ULK4: variants seen among roughly 807,000 people sequenced by gnomAD.
ULK4 encodes unc-51 like kinase 4.
Under a neutral mutation model 160.6 loss-of-function variants are expected in ULK4, and 133 were observed. The observed-to-expected ratio is 0.83, with a 90% CI of 0.72 to 0.96. The LOEUF (loss-of-function observed/expected upper bound fraction) is 0.96. ULK4 is among the 40% of genes least tolerant of loss of function. The pLI is 0.00. For missense variants in ULK4, 1,580 were observed against 1,499.5 expected (o/e 1.05, Z -0.89); for synonymous variants, 534 against 539.8 (o/e 0.99, Z 0.15).
At chr3:41,476,513 G>A (rs1277678217) in intron 32 of ULK4, among the ~76,000 whole-genome samples, 1 of 152,154 alleles carries the variant, frequency 6.6e-6, no homozygotes, top group African/African-American at 2.4e-5. Flanking sequence ...AGTGGAGATG[G>A]GTGTGTGGCT....
At chr3:41,863,550 A>T (rs2042553318) in intron 17 of ULK4, among the ~76,000 whole-genome samples, 1 of 151,574 alleles carries the variant, frequency 6.6e-6, no homozygotes, top group Non-Finnish European at 1.5e-5. Context: ...GTTATGTGGT[A>T]AGTCTCACCT....
chr3:41,622,721 C>G (rs1406490701), intron 30 of ULK4, among the ~76,000 whole-genome samples: 1 of 152,078 alleles, frequency 6.6e-6, no homozygotes, highest in Non-Finnish European at 1.5e-5. Context: ...ACCTATGTAA[C>G]AAACTTGCAT....
At chr3:41,565,394 T>C (rs780638593) in intron 32 of ULK4, among the ~76,000 whole-genome samples, 33 of 152,330 alleles carry the variant, frequency 2.2e-4, no homozygotes, top group Middle Eastern at 3.4e-3. Flanking sequence ...CCAAAACTCA[T>C]GCTGCCCCTT....
chr3:41,275,096 T>C (rs1001957730), intron 35 of ULK4, among the ~76,000 whole-genome samples: 1 of 152,212 alleles, frequency 6.6e-6, no homozygotes, highest in Non-Finnish European at 1.5e-5. Flanking sequence ...ACAGGCAATC[T>C]TGTACAGCCT....
At chr3:41,902,026 T>G (rs563396091) in intron 12 of ULK4, among the ~76,000 whole-genome samples, 1 of 152,108 alleles carries the variant, frequency 6.6e-6, no homozygotes, top group Non-Finnish European at 1.5e-5. Flanking sequence ...AAACATAATT[T>G]GTATTCCTAG....
intron 32 of ULK4, among the ~76,000 whole-genome samples, chr3:41,520,813 G>A (rs2085906934): frequency 6.6e-6 from 1 of 152,126 alleles, no homozygotes; most frequent in East Asian, 1.9e-4. Flanking sequence ...AGTCATTAAA[G>A]ATATTGATTA....
At chr3:41,314,470 A>C (rs1222724288) in intron 35 of ULK4, among the ~76,000 whole-genome samples, 2 of 152,036 alleles carry the variant, frequency 1.3e-5, no homozygotes, top group African/African-American at 2.4e-5. Flanking sequence ...TCTGTTTCCG[A>C]GTTATTTCAC....
intron 27 of ULK4, among the ~76,000 whole-genome samples, chr3:41,703,259 A>G (rs2036746558): frequency 6.6e-6 from 1 of 152,134 alleles, no homozygotes. Flanking sequence ...AACATACAGA[A>G]TATCTACAAA....
chr3:41,878,368 T>C (rs922973976), intron 17 of ULK4, among the ~76,000 whole-genome samples: 1 of 152,292 alleles, frequency 6.6e-6, no homozygotes, highest in African/African-American at 2.4e-5. Flanking sequence ...CTAGACGATA[T>C]ACATATACAT....
At chr3:41,886,897 TAAC>T (rs1001771243) in intron 16 of ULK4, among the ~76,000 whole-genome samples, 1 of 152,116 alleles carries the variant, frequency 6.6e-6, no homozygotes, top group Non-Finnish European at 1.5e-5. Flanking sequence ...ATACACCAAA[TAAC>T]AAAGCATGAA....
At chr3:41,540,815 T>C (rs2086669661) in intron 32 of ULK4, among the ~76,000 whole-genome samples, 1 of 152,260 alleles carries the variant, frequency 6.6e-6, no homozygotes, top group African/African-American at 2.4e-5. Context: ...ATATGTTTGT[T>C]GGCTGCATAA....
chr3:41,803,327 A>G (rs2040526712), intron 19 of ULK4, among the ~76,000 whole-genome samples: 1 of 152,204 alleles, frequency 6.6e-6, no homozygotes, highest in African/African-American at 2.4e-5. Flanking sequence ...AAACATTACC[A>G]AGTTAGACCA....
At chr3:41,592,557 T>C (rs1449926456) in intron 31 of ULK4, among the ~76,000 whole-genome samples, 1 of 152,120 alleles carries the variant, frequency 6.6e-6, no homozygotes, top group African/African-American at 2.4e-5. Context: ...CAATAACCTA[T>C]GGAAATAAAA....
intron 35 of ULK4, among the ~76,000 whole-genome samples, chr3:41,378,849 T>C (rs544205862): frequency 6.6e-6 from 1 of 151,434 alleles, no homozygotes; most frequent in Non-Finnish European, 1.5e-5. Flanking sequence ...ATGTGGCACA[T>C]TTACACCATG....
chr3:41,955,630 C>A, intron 1 of ULK4: 3 of 156,610 alleles, frequency 1.9e-5, no homozygotes, highest in South Asian at 3.6e-4. Flanking sequence ...TGGAGTTGCT[C>A]AAGGTTTCCA....
intron 34 of ULK4, among the ~76,000 whole-genome samples, chr3:41,453,131 T>C (rs375914986): frequency 2.0e-5 from 3 of 152,168 alleles, no homozygotes; most frequent in Admixed American, 1.3e-4. Flanking sequence ...ATCTAGCTCA[T>C]TGTCAGCACT....
In ULK4 at chr3:41,931,895, C is replaced by A. The variant is rs1476858612; in HGVS notation, c.490G>T (p.Gly164Cys). 6.2e-7 allele frequency: 1 copy of A among 1,614,088 alleles called. No homozygotes were observed. ...FALVAAEEGG[G>C]DNGENVLKKS... is the part of the protein sequence containing the mutation. ...TTCAGGACATTTTCCCCATTATCACCTCCTCCTTCCTCTGCTGCCACCAAA... is the reference window on the plus strand; with the variant it reads ...TTCAGGACATTTTCCCCATTATCACATCCTCCTTCCTCTGCTGCCACCAAA... The change falls in exon 5 of 37, where the codon GGT (glycine) becomes TGT (cysteine). Residue 164 changes from glycine to cysteine, a missense_variant. Transcript: ENST00000301831.
At chr3:41,303,221 T>C (rs148439578) in intron 35 of ULK4, among the ~76,000 whole-genome samples, 50 of 152,352 alleles carry the variant, frequency 3.3e-4, no homozygotes, top group Middle Eastern at 3.4e-3. Flanking sequence ...TATTTTTGAA[T>C]AACACTTAAA....
intron 12 of ULK4, among the ~76,000 whole-genome samples, chr3:41,906,727 G>A (rs1698576566): frequency 6.6e-6 from 1 of 152,180 alleles, no homozygotes; most frequent in African/African-American, 2.4e-5. Flanking sequence ...GGGCACGGTG[G>A]CTCACGCCTG....
Sources: gnomAD v4.1 joint callset for allele counts (sites outside exome capture counted in the v4.1 genomes callset) on GRCh38, gnomAD v4.1.1 for gene constraint, MANE v1.5 for transcripts, NCBI Gene and HGNC (gene_info 2026-07-23, HGNC 2026-07-21) for gene names.